ENO4: variants seen among roughly 807,000 people sequenced by gnomAD.
The protein encoded by ENO4 is 2-phospho-D-glycerate hydro-lyase.
In ENO4, 53 loss-of-function variants were observed where a neutral mutation model predicts 63.2. The observed-to-expected ratio is 0.84, with a 90% CI of 0.67 to 1.05. The LOEUF is 1.05. Ranked by LOEUF, ENO4 falls within the 50% of genes least tolerant of loss-of-function variation. The probability of loss-of-function intolerance (pLI) is 0.00; values close to 1 mark genes in which losing one functional copy is unlikely to be tolerated. For synonymous variants in ENO4, 266 were observed against 283.8 expected, an observed-to-expected ratio of 0.94 and a Z score of 0.63; for missense variants, 719 against 772.0, an observed-to-expected ratio of 0.93 and a Z score of 0.81.
intron 10 of ENO4, among the ~76,000 whole-genome samples, chr10:116,896,611 A>G (rs1247592607): frequency 6.6e-6 from 1 of 152,188 alleles, no homozygotes; most frequent in African/African-American, 2.4e-5. Flanking sequence ...ATTTGGAAAC[A>G]TATGTTGAAT....
At chr10:116,911,811 C>T (rs1164675457), downstream of ENO4, 1 of 1,612,712 alleles carries the variant, frequency 6.2e-7, no homozygotes, top group East Asian at 2.2e-5. Flanking sequence ...TTAGTTCATC[C>T]ACTGCACTTT....
intron 10 of ENO4, among the ~76,000 whole-genome samples, chr10:116,895,060 TAAAAAGGCATAGAATAAAGTG>T (rs1351805322): frequency 6.6e-6 from 1 of 152,176 alleles, no homozygotes; most frequent in East Asian, 1.9e-4. Flanking sequence ...GAAGCTCTCT[TAAAAAGGCATAGAATAAAGTG>T]GATACAATAA....
Position 116,876,189 on chromosome 10 carries a change from A to G in ENO4, c.1466A>G (p.Asn489Ser). ...GGAAACATCAGCATCCCCAAATCCA[A>G]TGGGCTGATCATAAAACACACAAAC... ...EQGNISIPKS[N>S]GLIIKHTNQT... Residue 489 changes from asparagine to serine, a missense_variant, in exon 11 of 14, where the codon AAT (asparagine) becomes AGT (serine). Around this residue, in one of 3 missense-constraint regions of ENO4, gnomAD observed 7 missense variants for 25.1 expected, o/e 0.28. Transcript: ENST00000341276. The G allele has an allele frequency of 1.3e-6, 2 of 1,550,562 alleles. No homozygotes were observed. Among genetic ancestry groups the G allele is most frequent in the East Asian group, 2.4e-5 (1 of 40,910 alleles).
At chr10:116,853,086 G>A (rs983039173) in intron 1 of ENO4, among the ~76,000 whole-genome samples, 3 of 152,114 alleles carry the variant, frequency 2.0e-5, no homozygotes, top group Non-Finnish European at 4.4e-5. Flanking sequence ...ACAAGGTCAG[G>A]AGATCGAGAC....
intron 11 of ENO4, among the ~76,000 whole-genome samples, chr10:116,877,924 C>T (rs1437659226): frequency 1.3e-5 from 2 of 152,306 alleles, no homozygotes; most frequent in Admixed American, 1.3e-4. Flanking sequence ...CAACTCTTGA[C>T]CACCTGTCTT....
downstream of ENO4, chr10:116,885,289 A>C (rs1395626092): frequency 1.3e-5 from 2 of 152,674 alleles, no homozygotes; most frequent in African/African-American, 2.4e-5. Flanking sequence ...AGTGCATTCA[A>C]GTACATTACC....
downstream of ENO4, chr10:116,886,134 C>CA: frequency 3.0e-6 from 2 of 666,710 alleles, no homozygotes; most frequent in Non-Finnish European, 4.8e-6. Context: ...TTATAAAGAT[C>CA]AAAAAACCAA....
Position 116,882,505 on chromosome 10 carries a change from A to C in ENO4, c.*836A>C, listed in dbSNP as rs941943472. On this transcript the variant is annotated 3_prime_UTR_variant, in exon 14 of 14. Transcript: ENST00000341276. ...GAGTAGCAGAAATAAATATATTCAGACACAAACATATAGATATAATAATAT... is the reference window on the plus strand; with the variant it reads ...GAGTAGCAGAAATAAATATATTCAGCCACAAACATATAGATATAATAATAT... 6.6e-6 allele frequency: 1 copy of C among 152,084 alleles called. No individual in the cohort carries two copies. Among genetic ancestry groups the C allele is most frequent in the Non-Finnish European group, 1.5e-5 (1 of 68,032 alleles). The allele number at this position is 152,084 out of a possible 1,614,324, so 9.4% of individuals were successfully genotyped here.
chr10:116,878,902 C>T (rs887751701), intron 11 of ENO4, among the ~76,000 whole-genome samples: 2 of 151,940 alleles, frequency 1.3e-5, no homozygotes, highest in Non-Finnish European at 2.9e-5. Flanking sequence ...TACCACCACG[C>T]CCGGCTAATT....
intron 8 of ENO4, among the ~76,000 whole-genome samples, chr10:116,870,599 C>G (rs1417535073): frequency 6.6e-6 from 1 of 152,188 alleles, no homozygotes; most frequent in Non-Finnish European, 1.5e-5. Flanking sequence ...ACGTTCAAGC[C>G]ACTGCACTCC....
At chr10:116,863,384 A>ACACACG (rs1485920381) in intron 7 of ENO4, among the ~76,000 whole-genome samples, 48 of 151,586 alleles carry the variant, frequency 3.2e-4, no homozygotes, top group East Asian at 2.5e-3. Context: ...ACACACACAC[A>ACACACG]CACGCACACA....
chr10:116,879,456 T>G, intron 12 of ENO4, 98 bp downstream of exon 12: 1 of 897,098 alleles, frequency 1.1e-6, no homozygotes, highest in Non-Finnish European at 1.7e-6. Flanking sequence ...CATGTAACCT[T>G]TTATGAAATA....
At chr10:116,899,546 T>TGTGAGA (rs1311755308) in intron 10 of ENO4, among the ~76,000 whole-genome samples, 4 of 123,898 alleles carry the variant, frequency 3.2e-5, no homozygotes, top group African/African-American at 1.2e-4. Context: ...TGTGTGTGTG[T>TGTGAGA]GAGAGAGTGC....
intron 4 of ENO4, among the ~76,000 whole-genome samples, chr10:116,860,423 G>A (rs11197834): frequency 0.23 from 34,326 of 152,188 alleles, 4,028 homozygotes; most frequent in East Asian, 0.28. Context: ...GTGAAATATA[G>A]AAAAACAAAT....
chr10:116,875,458 AC>A (rs1468128117), intron 10 of ENO4, among the ~76,000 whole-genome samples: 4 of 151,270 alleles, frequency 2.6e-5, no homozygotes, highest in Admixed American at 6.6e-5. Context: ...CCATCTTCCT[AC>A]CTCACCCTCT....
rs1050103288 is a variant in ENO4 at position 116,849,528 on chromosome 10, C to A, written c.-39C>A. On this transcript the variant is annotated 5_prime_UTR_variant, in exon 1 of 14. Transcript: ENST00000341276. ...AGCGACAGCAGGGACGCTCGTGGGACCCCAGGCTAAACCCCGCTGTAGCCT... is the reference window on the plus strand; with the variant it reads ...AGCGACAGCAGGGACGCTCGTGGGAACCCAGGCTAAACCCCGCTGTAGCCT... The A allele has an allele frequency of 1.3e-5, 19 of 1,471,780 alleles. No individual in the cohort carries two copies. The highest frequency in any genetic ancestry group is 2.5e-5 in the East Asian group (1 of 39,232). 91.2% of individuals were successfully genotyped at this position (1,471,780 alleles called of 1,614,324 possible).
intron 10 of ENO4, among the ~76,000 whole-genome samples, chr10:116,897,502 C>CA (rs916152100): frequency 1.6e-4 from 25 of 152,226 alleles, no homozygotes; most frequent in African/African-American, 6.0e-4. Context: ...AAACAAAACA[C>CA]AGAGAGGTTA....
At chr10:116,878,123 A>G (rs1846888111) in intron 11 of ENO4, among the ~76,000 whole-genome samples, 1 of 152,206 alleles carries the variant, frequency 6.6e-6, no homozygotes, top group South Asian at 2.1e-4. Flanking sequence ...AATCACTTAT[A>G]CAACTACCTA....
intron 10 of ENO4, among the ~76,000 whole-genome samples, chr10:116,874,800 G>A (rs1167540094): frequency 1.3e-5 from 2 of 152,098 alleles, no homozygotes; most frequent in Admixed American, 1.3e-4. Context: ...AGCCTCCCAA[G>A]TAGCTGTGAC....
Sources: allele counts gnomAD v4.1 joint callset (sites outside exome capture counted in the v4.1 genomes callset), GRCh38; gene constraint gnomAD v4.1.1; regional missense constraint gnomAD v4.1.1; transcripts MANE v1.5; gene names NCBI Gene and HGNC (gene_info 2026-07-23, HGNC 2026-07-21).